CRLF1: variants seen among roughly 807,000 people sequenced by gnomAD.
The protein encoded by CRLF1 is cytokine receptor like factor 1, also known as cytokine receptor-like factor 1.
A neutral mutation model predicts 48.9 loss-of-function variants in CRLF1; 36 were observed. The observed-to-expected ratio is 0.74, with a 90% CI of 0.56 to 0.97. The LOEUF (loss-of-function observed/expected upper bound fraction) is 0.97, where lower values mean the gene tolerates loss of function less well. Ranked by LOEUF, CRLF1 falls within the 50% of genes least tolerant of loss-of-function variation. CRLF1 has a pLI of 0.00. For missense variants in CRLF1, 534 were observed against 575.1 expected (o/e 0.93, Z 0.73); for synonymous variants, 256 against 253.4 (o/e 1.01, Z -0.10).
chr19:18,598,814 TC>T lies in CRLF1; in HGVS notation c.484del (p.Glu162ArgfsTer72). ...GGAGTAGTTGGTGTGGAGGAAGGTC[TC>T]CCCGTGGGCCCCTGGCGTCCAGCGG... ...TCRWTPGAHG[E>X]TFLHTNYSLK... On this transcript the variant is annotated frameshift_variant, in exon 3 of 9. Coordinates refer to ENST00000392386, the MANE Select transcript of CRLF1 (RefSeq NM_004750.5). LOFTEE classifies it high-confidence loss of function. 6.2e-7 allele frequency: 1 copy of T among 1,614,070 alleles called. No individual in the cohort carries two copies.
At chr19:18,598,986 GC>G in intron 2 of CRLF1, 85 bp from the exon 3 acceptor site, 6 of 1,579,820 alleles carry the variant, frequency 3.8e-6, no homozygotes, top group Non-Finnish European at 5.2e-6. Context: ...CACCCACCAG[GC>G]CCCCACCTTG....
Position 18,596,839 on chromosome 19 carries a change from C to A in CRLF1, c.856-49G>T, listed in dbSNP as rs777551327. On this transcript the variant is annotated intron_variant, in intron 5 of 8. Transcript: ENST00000392386. ...AGTAGAGGGCGGGGCCTAGCAGGAG[C>A]GGGGGCGGGGCCTGGAAGGAACAGG... The A allele has an allele frequency of 9.4e-6, 15 of 1,590,128 alleles. 1 individual carries two copies. In the South Asian group the frequency reaches 1.7e-4, roughly 18 times the overall value.
chr19:18,596,771 T>C lies in CRLF1; in HGVS notation c.875A>G (p.Asn292Ser). Residue 292 changes from asparagine (N) to serine (S), a missense_variant, in exon 6 of 9, where the codon AAC becomes AGC. By Grantham distance (46) the Asn-to-Ser change is conservative. Around this residue, in one of 2 missense-constraint regions of CRLF1, gnomAD observed 528 missense variants for 555.7 expected, o/e 0.95. Transcript: ENST00000392386. The stretch of plus-strand genomic sequence containing the variant: ...GCCGGCCAGGCGGCAGGAGGTCTGG[T>C]TGCTCACATCGTCCACCACCTGGAC... ...VDWKVVDDVS[N>S]QTSCRLAGLK... 6.2e-7 allele frequency: 1 copy of C among 1,613,928 alleles called. No homozygotes were observed. The highest frequency in any genetic ancestry group is 8.5e-7 in the Non-Finnish European group (1 of 1,179,988).
chr19:18,606,407 G>C lies in CRLF1; in HGVS notation c.115+135C>G, dbSNP rs1373035140. The stretch of plus-strand genomic sequence containing the variant: ...TGCCCCGCAGGTGAGGGCGCCCCGA[G>C]GGCTGCGCCGGGGGCGCCTTCCTTT... On this transcript the variant is annotated intron_variant, in intron 1 of 8. Coordinates refer to ENST00000392386, the MANE Select transcript of CRLF1 (RefSeq NM_004750.5). This position sits in a 1 kb window ranked among gnomAD's most constrained non-coding sequence, Gnocchi z 4.8. 10 of 649,098 alleles carry C rather than the reference G, an allele frequency of 1.5e-5. No individual in the cohort carries two copies. In the South Asian group the frequency reaches 5.6e-4, roughly 37 times the overall value. 40.2% of individuals were successfully genotyped at this position (649,098 alleles called of 1,614,324 possible). A position where few individuals can be genotyped will look rare whatever the true frequency, so the allele number is the denominator to read the frequency against.
chr19:18,598,728 C>T (rs1420467497), intron 3 of CRLF1, 44 bp downstream of exon 3: 2 of 1,614,028 alleles, frequency 1.2e-6, no homozygotes, highest in Admixed American at 3.3e-5. Flanking sequence ...CAAGGTCACG[C>T]AGCCAGCCTG....
intron 8 of CRLF1, 33 bp downstream of exon 8, chr19:18,594,032 T>TTGGGCGGC: frequency 1.4e-6 from 1 of 695,814 alleles, no homozygotes; most frequent in Non-Finnish European, 2.2e-6. Context: ...CTCCCCTTGC[T>TTGGGCGGC]CCCTCCCGCC....
chr19:18,600,894 C>G (rs1976212739), intron 1 of CRLF1, among the ~76,000 whole-genome samples: 1 of 152,104 alleles, frequency 6.6e-6, no homozygotes, highest in Non-Finnish European at 1.5e-5. Flanking sequence ...GCCTCGATCT[C>G]CTGGGTTCAA....
chr19:18,606,682 G>A lies in CRLF1; in HGVS notation c.-26C>T, dbSNP rs1976302328. 1 of 467,422 alleles carries A rather than the reference G, an allele frequency of 2.1e-6. No individual in the cohort carries two copies. The highest frequency in any genetic ancestry group is 1.1e-3 in the Middle Eastern group (1 of 878). 29.0% of individuals were successfully genotyped at this position (467,422 alleles called of 1,614,324 possible). On this transcript the variant is annotated 5_prime_UTR_variant, in exon 1 of 9. Transcript: ENST00000392386. The surrounding 1 kb of genome is among the most constrained non-coding windows in gnomAD (Gnocchi z 4.8). ...GGGGCCGGCGCTGCCGGGGGCGCGC[G>A]GCGGGCTGCGGCTCGGCGGCGGTGG...
Position 18,598,174 on chromosome 19 carries a change from G to A in CRLF1, c.697+258C>T, listed in dbSNP as rs188276827. ...CCCCCTCCTGCACACCTGGGCTGCC[G>A]AGGGGGTGGTGGCCAGGCCAGGTGT... On this transcript the variant is annotated intron_variant, in intron 4 of 8. Coordinates refer to ENST00000392386, the MANE Select transcript of CRLF1 (RefSeq NM_004750.5). Among the ~76,000 whole-genome samples, 867 of 152,286 alleles carry A rather than the reference G, an allele frequency of 5.7e-3. 7 individuals carry two copies. Among genetic ancestry groups the A allele is most frequent in the African/African-American group, 0.02 (826 of 41,568 alleles).
At position 18,606,152 on chromosome 19, in the gene CRLF1, C is replaced by A. The variant is rs934934578; in HGVS notation, c.115+390G>T. Among the ~76,000 whole-genome samples, 3 of 151,506 alleles carry A rather than the reference C, an allele frequency of 2.0e-5. No individual in the cohort carries two copies. Among genetic ancestry groups the A allele is most frequent in the Non-Finnish European group, 3.0e-5 (2 of 67,754 alleles). On this transcript the variant is annotated intron_variant, in intron 1 of 8. Transcript: ENST00000392386. The surrounding 1 kb of genome is among the most constrained non-coding windows in gnomAD (Gnocchi z 4.8). ...GGGCCCGCTGGGGGCCCGCACCCAG[C>A]GCGCCAACCGCGTGCGCCCCCGCCT...
intron 2 of CRLF1, among the ~76,000 whole-genome samples, 171 bp downstream of exon 2, chr19:18,599,393 AC>A (rs1976188394): frequency 1.3e-5 from 2 of 152,336 alleles, no homozygotes; most frequent in South Asian, 4.1e-4. Flanking sequence ...GACATGAGCC[AC>A]CTTGCCCGAC....
chr19:18,602,572 T>C (rs1976233910), intron 1 of CRLF1, among the ~76,000 whole-genome samples: 1 of 151,908 alleles, frequency 6.6e-6, no homozygotes, highest in South Asian at 2.1e-4. Flanking sequence ...GAGCCATGAC[T>C]GCACCACTGC....
chr19:18,596,644 T>C lies in CRLF1; in HGVS notation c.1002A>G (p.Thr334=). 9 of 1,613,544 alleles carry C rather than the reference T, an allele frequency of 5.6e-6. No individual in the cohort carries two copies. The highest frequency in any genetic ancestry group is 6.8e-6 in the Non-Finnish European group (8 of 1,179,854). Residue 334 remains threonine (T), a synonymous_variant, in exon 6 of 9, where the codon ACA becomes ACG. Coordinates refer to ENST00000392386, the MANE Select transcript of CRLF1 (RefSeq NM_004750.5). ...AGIWSEWSHP[T]AASTPRSERP... ...CACCACTGCGGGGAGTGGAGGCGGC[T>C]GTGGGGTGGCTCCACTCACTCCAGA...
intron 4 of CRLF1, among the ~76,000 whole-genome samples, chr19:18,597,516 G>A (rs546819844): frequency 4.4e-5 from 6 of 136,872 alleles, no homozygotes; most frequent in Admixed American, 3.1e-4. Flanking sequence ...TGCAAGCTCC[G>A]CCTCCCGGGT....
rs149015379 is a variant in CRLF1, at chr19:18,596,925, G to C, written c.822C>G (p.Ile274Met). The change falls in exon 5 of 9, where the codon ATC becomes ATG. Residue 274 changes from isoleucine (I) to methionine (M), a missense_variant. Physicochemically the swap from Ile to Met is conservative, Grantham distance 10. Transcript: ENST00000392386. ...CCACACTGTCCTCCACTCGGTAGCG[G>C]ATCTGGTATTTGGCTTGAAAGAGGA... ...KDFLFQAKYQ[I>M]RYRVEDSVDW... 4 of 1,614,038 alleles carry C rather than the reference G, an allele frequency of 2.5e-6. No individual in the cohort carries two copies. The highest frequency in any genetic ancestry group is 4.5e-5 in the East Asian group (2 of 44,894).
At chr19:18,595,066 G>A (rs996125807) in intron 6 of CRLF1, among the ~76,000 whole-genome samples, 5 of 152,212 alleles carry the variant, frequency 3.3e-5, no homozygotes, top group Admixed American at 1.3e-4. Context: ...GGAGGGCCAG[G>A]TGGGAGGCCT....
chr19:18,594,032 T>TGTGGG, intron 8 of CRLF1, 33 bp downstream of exon 8: 33 of 695,768 alleles, frequency 4.7e-5, no homozygotes, highest in Non-Finnish European at 7.3e-5. Flanking sequence ...CTCCCCTTGC[T>TGTGGG]CCCTCCCGCC....
intron 4 of CRLF1, among the ~76,000 whole-genome samples, chr19:18,597,723 C>T (rs1400516380): frequency 2.0e-5 from 3 of 152,176 alleles, no homozygotes; most frequent in Admixed American, 6.5e-5. Flanking sequence ...TGAGCCACCG[C>T]GCCCGGCCCT....
chr19:18,597,329 T>A (rs1165335911), intron 4 of CRLF1, among the ~76,000 whole-genome samples: 1 of 152,068 alleles, frequency 6.6e-6, no homozygotes, highest in African/African-American at 2.4e-5. Flanking sequence ...GCGGGGTTGA[T>A]GATATTATTA....
Sources: gnomAD v4.1 joint callset for allele counts (sites outside exome capture counted in the v4.1 genomes callset) on GRCh38, gnomAD v4.1.1 for gene constraint, gnomAD v4.1.1 regional missense constraint, Gnocchi (gnomAD v3.1) non-coding constraint, MANE v1.5 for transcripts, NCBI Gene and HGNC (gene_info 2026-07-23, HGNC 2026-07-21) for gene names.